Variants in ENOX1 observed in about 807,000 individuals in gnomAD.
ENOX1 encodes candidate growth-related and time keeping constitutive hydroquinone (NADH) oxidase.
A neutral mutation model predicts 82.5 loss-of-function variants in ENOX1; 42 were observed. That is an observed-to-expected ratio of 0.51 (90% CI 0.40 to 0.66). ENOX1 has a LOEUF of 0.66. ENOX1 is among the 30% of genes least tolerant of loss of function. ENOX1 has a pLI of 0.00. For synonymous variants in ENOX1, 271 were observed against 282.2 expected (o/e 0.96, Z 0.40); for missense variants, 608 against 811.6 (o/e 0.75, Z 3.05).
At chr13:43,721,670 G>A (rs987124102) in intron 1 of ENOX1, among the ~76,000 whole-genome samples, 5 of 152,040 alleles carry the variant, frequency 3.3e-5, no homozygotes, top group Admixed American at 2.6e-4. Flanking sequence ...GAGCCACCAC[G>A]CCCGGCCTAT....
In ENOX1 at chr13:43,568,405, G is replaced by C. The variant is rs1019781535; in HGVS notation, c.-218-84253C>G. On this transcript the variant is annotated intron_variant, in intron 2 of 16. Coordinates refer to ENST00000690772, the MANE Select transcript of ENOX1 (RefSeq NM_001347969.2). ...GAGTTGTCTTCAGCAGCCGTGTCAG[G>C]GTGCCCCGGGAAAAAAGACAGAGAC... Among the ~76,000 whole-genome samples the C allele has an allele frequency of 2.0e-5, 3 of 152,076 alleles. No individual in the cohort carries two copies. In the East Asian group the frequency reaches 5.8e-4, roughly 29 times the overall value.
intron 1 of ENOX1, among the ~76,000 whole-genome samples, chr13:43,719,348 C>CACACACACACACACACACACACACACA (rs2088400320): frequency 6.7e-6 from 1 of 149,258 alleles, no homozygotes; most frequent in African/African-American, 2.5e-5. Flanking sequence ...CACACACACA[C>CACACACACACACACACACACACACACA]CAGCAATCGC....
chr13:43,477,992 T>C (rs962859557), intron 3 of ENOX1, among the ~76,000 whole-genome samples: 3 of 150,422 alleles, frequency 2.0e-5, no homozygotes, highest in African/African-American at 7.3e-5. Context: ...GGAAACCTAC[T>C]AACATTTTAT....
intron 5 of ENOX1, among the ~76,000 whole-genome samples, chr13:43,408,177 G>T (rs550747076): frequency 6.6e-6 from 1 of 152,322 alleles, no homozygotes; most frequent in South Asian, 2.1e-4. Flanking sequence ...CTGTGGAAGT[G>T]CACGACAGCA....
intron 14 of ENOX1, among the ~76,000 whole-genome samples, chr13:43,254,282 A>C (rs996465499): frequency 6.6e-6 from 1 of 152,192 alleles, no homozygotes; most frequent in Non-Finnish European, 1.5e-5. Context: ...CTCAAATAAT[A>C]TATCTAAGTA....
chr13:43,291,796 T>A (rs528091403), intron 12 of ENOX1, among the ~76,000 whole-genome samples: 3 of 152,320 alleles, frequency 2.0e-5, no homozygotes, highest in Admixed American at 1.3e-4. Context: ...AATTAAAATA[T>A]CTGTCAATGA....
At chr13:43,700,563 G>A (rs1305719212) in intron 1 of ENOX1, among the ~76,000 whole-genome samples, 1 of 152,066 alleles carries the variant, frequency 6.6e-6, no homozygotes, top group Non-Finnish European at 1.5e-5. Context: ...TCCCCAGATG[G>A]TAACATCTCA....
At chr13:43,724,463 G>T (rs927957887) in intron 1 of ENOX1, among the ~76,000 whole-genome samples, 1 of 152,172 alleles carries the variant, frequency 6.6e-6, no homozygotes, top group African/African-American at 2.4e-5. Flanking sequence ...TAGCACCTAT[G>T]CATCCCTCAC....
At chr13:43,738,188 T>C (rs987757068) in intron 1 of ENOX1, among the ~76,000 whole-genome samples, 1 of 152,036 alleles carries the variant, frequency 6.6e-6, no homozygotes, top group African/African-American at 2.4e-5. Flanking sequence ...GCTTAAAGAG[T>C]ACATAGTACA....
intron 3 of ENOX1, among the ~76,000 whole-genome samples, chr13:43,417,234 ACGGGAGAC>A (rs1376291946): frequency 0.048 from 2,199 of 45,484 alleles, 108 homozygotes; most frequent in African/African-American, 0.091. Context: ...GAGACGGGAG[ACGGGAGAC>A]GGGAGAGGGA....
At chr13:43,761,111 A>G (rs190190435) in intron 1 of ENOX1, among the ~76,000 whole-genome samples, 2,264 of 152,100 alleles carry the variant, frequency 0.015, 50 homozygotes, top group African/African-American at 0.05. Flanking sequence ...AAAGAGGCCC[A>G]AAGGTCTTCC....
intron 2 of ENOX1, among the ~76,000 whole-genome samples, chr13:43,515,201 G>A (rs763893892): frequency 3.9e-5 from 6 of 152,098 alleles, no homozygotes; most frequent in Non-Finnish European, 8.8e-5. Flanking sequence ...AAAGTCTTTG[G>A]CAATGTCTCT....
chr13:43,363,872 C>T (rs898166437), intron 5 of ENOX1, among the ~76,000 whole-genome samples: 5 of 152,234 alleles, frequency 3.3e-5, no homozygotes, highest in African/African-American at 7.2e-5. Context: ...TCTTGTACAA[C>T]GTATTTTAAT....
chr13:43,243,753 T>A (rs2042950868), intron 14 of ENOX1, among the ~76,000 whole-genome samples: 1 of 152,216 alleles, frequency 6.6e-6, no homozygotes, highest in Non-Finnish European at 1.5e-5. Context: ...TGCTTTCTGA[T>A]AACCTACAGG....
At chr13:43,623,362 G>T (rs974141084) in intron 2 of ENOX1, among the ~76,000 whole-genome samples, 3 of 152,094 alleles carry the variant, frequency 2.0e-5, no homozygotes, top group Non-Finnish European at 4.4e-5. Context: ...TCTCCTGTTG[G>T]ATCCCCATGG....
At chr13:43,609,573 A>G (rs2082114387) in intron 2 of ENOX1, among the ~76,000 whole-genome samples, 1 of 152,220 alleles carries the variant, frequency 6.6e-6, no homozygotes, top group Admixed American at 6.5e-5. Context: ...AAAGTCTAAG[A>G]TTCAAATCTA....
chr13:43,520,172 C>T (rs1348932528), intron 2 of ENOX1, among the ~76,000 whole-genome samples: 2 of 152,144 alleles, frequency 1.3e-5, no homozygotes, highest in Non-Finnish European at 2.9e-5. Flanking sequence ...AGCACTTCCT[C>T]ATTACTGCAT....
chr13:43,732,762 A>G (rs554502540), intron 1 of ENOX1, among the ~76,000 whole-genome samples: 2 of 152,334 alleles, frequency 1.3e-5, no homozygotes, highest in East Asian at 3.8e-4. Flanking sequence ...TGGGTTCAAC[A>G]ATGCTGCCTA....
intron 3 of ENOX1, among the ~76,000 whole-genome samples, chr13:43,451,654 C>T (rs190251047): frequency 1.3e-5 from 2 of 152,296 alleles, no homozygotes; most frequent in Admixed American, 6.5e-5. Context: ...CGTACATGTA[C>T]ATGGTAAGAT....
Sources: gnomAD v4.1 joint callset for allele counts (sites outside exome capture counted in the v4.1 genomes callset) on GRCh38, gnomAD v4.1.1 for gene constraint, MANE v1.5 for transcripts, NCBI Gene and HGNC (gene_info 2026-07-23, HGNC 2026-07-21) for gene names.